The following AVIL variants were observed in gnomAD, a reference collection of about 807,000 sequenced individuals.
AVIL encodes advillin.
In AVIL, 78 loss-of-function variants were observed where a neutral mutation model predicts 109.9. The observed-to-expected ratio is 0.71, with a 90% confidence interval of 0.59 to 0.86. The LOEUF (loss-of-function observed/expected upper bound fraction) is 0.86. AVIL is among the 40% of genes least tolerant of loss of function. The pLI, the probability that AVIL is intolerant of heterozygous loss-of-function variation, is 0.00. For missense variants in AVIL, 892 were observed against 1,016.5 expected (o/e 0.88, Z 1.67); for synonymous variants, 367 against 379.1 (o/e 0.97, Z 0.37).
chr12:57,812,631 A>T (rs12297639), intron 4 of AVIL, among the ~76,000 whole-genome samples: 5,271 of 152,306 alleles, frequency 0.035, 319 homozygotes, highest in African/African-American at 0.12. Context: ...AAGTGCTGGG[A>T]TTACAGGCGT....
At position 57,811,114 on chromosome 12, in the gene AVIL, C is replaced by G. The variant is rs750309496; in HGVS notation, c.352G>C (p.Gly118Arg). The G allele has an allele frequency of 1.7e-5, 28 of 1,613,966 alleles. No individual in the cohort carries two copies. Among genetic ancestry groups the G allele is most frequent in the Admixed American group, 5.0e-5 (3 of 59,996 alleles). The change falls in exon 5 of 20, where the codon GGT becomes CGT. Residue 118 changes from glycine to arginine, a missense_variant. By Grantham distance (125) the Gly-to-Arg change is moderately radical. Coordinates refer to ENST00000549994, the MANE Select transcript of AVIL (RefSeq NM_006576.4). The part of the protein sequence containing the change: ...FKQGIIYKQG[G>R]VASGMKHVET... Reference sequence around the variant, plus strand: ...ACGTGCTTCATCCCAGAGGCGACACCCCCCTGCTTGTAGCTAAGGGAACAT... The same window carrying G: ...ACGTGCTTCATCCCAGAGGCGACACGCCCCTGCTTGTAGCTAAGGGAACAT...
rs1956096723 is a variant in AVIL, at chr12:57,815,971, T to C, written c.66+4A>G. 1.2e-6 allele frequency: 2 copies of C among 1,614,032 alleles called. No homozygotes were observed. Among genetic ancestry groups the C allele is most frequent in the African/African-American group, 1.3e-5 (1 of 74,932 alleles). Reference sequence around the variant, plus strand: ...ACAAGTAAGGTGCCTCCAGCCCAGCTCACCTCTATTCTCCAGACAATGATC... The same window carrying C: ...ACAAGTAAGGTGCCTCCAGCCCAGCCCACCTCTATTCTCCAGACAATGATC... On this transcript the variant is annotated splice_donor_region_variant and intron_variant, in intron 2 of 19. Coordinates refer to ENST00000549994, the MANE Select transcript of AVIL (RefSeq NM_006576.4).
At chr12:57,817,307 C>CT (rs1956111243) in intron 1 of AVIL, among the ~76,000 whole-genome samples, 1 of 150,964 alleles carries the variant, frequency 6.6e-6, no homozygotes, top group African/African-American at 2.4e-5. Flanking sequence ...AGGAACATGT[C>CT]TGACCATTGT....
At chr12:57,804,764 G>A (rs1180307429) in intron 14 of AVIL, among the ~76,000 whole-genome samples, 5 of 151,302 alleles carry the variant, frequency 3.3e-5, no homozygotes, top group Non-Finnish European at 7.4e-5. Context: ...AGCCAAGATC[G>A]CGCCACTGCA....
intron 9 of AVIL, chr12:57,808,854 AT>A (rs1470688410): frequency 1.4e-5 from 5 of 353,228 alleles, no homozygotes; most frequent in Admixed American, 4.5e-5. Flanking sequence ...TTGTTTGCTC[AT>A]TTATTGCTTC....
At chr12:57,806,225 T>C in intron 14 of AVIL, 135 bp downstream of exon 14, 1 of 862,908 alleles carries the variant, frequency 1.2e-6, no homozygotes, top group Non-Finnish European at 1.9e-6. Flanking sequence ...CTCTGTATCA[T>C]TCCAGTTTTA....
Position 57,810,367 on chromosome 12 carries a change from G to A in AVIL, c.743C>T (p.Ser248Leu), listed in dbSNP as rs760178754. ...TACTCACTGATACAACATGATAGTT[G>A]ATTTCTGCTTCTGATCTATGATCTC... ...PDEIIDQKQK[S>L]TIMLYHISDS... Residue 248 changes from serine (S) to leucine (L), a missense_variant, in exon 7 of 20, where the codon TCA (serine) becomes TTA (leucine). Coordinates refer to ENST00000549994, the MANE Select transcript of AVIL (RefSeq NM_006576.4). 2.5e-6 allele frequency: 4 copies of A among 1,614,072 alleles called. No individual in the cohort carries two copies. Among genetic ancestry groups the A allele is most frequent in the Non-Finnish European group, 3.4e-6 (4 of 1,180,054 alleles).
rs1231700758 is a variant in AVIL at position 57,803,613 on chromosome 12, A to G, written c.1728T>C (p.Asp576=). The G allele has an allele frequency of 5.0e-6, 8 of 1,614,060 alleles. No individual in the cohort carries two copies. The highest frequency in any genetic ancestry group is 2.2e-5 in the East Asian group (1 of 44,886). ...CCTCGGCCACAGTGTTCTCGCTGCC[A>G]TCACAGAGAAGGCTGGCCAGCTCCT... ...MAKELASLLC[D]GSENTVAEGQ... Residue 576 remains aspartate (D), a synonymous_variant, in exon 15 of 20, where the codon GAT becomes GAC. Coordinates refer to ENST00000549994, the MANE Select transcript of AVIL (RefSeq NM_006576.4).
At position 57,809,873 on chromosome 12, in the gene AVIL, C is replaced by G; in HGVS notation, c.779G>C (p.Gly260Ala). 6.2e-7 allele frequency: 1 copy of G among 1,614,138 alleles called. No individual in the cohort carries two copies. Among genetic ancestry groups the G allele is most frequent in the Non-Finnish European group, 8.5e-7 (1 of 1,180,016 alleles). The change falls in exon 8 of 20, where the codon GGG (glycine) becomes GCG (alanine). Residue 260 changes from glycine to alanine, a missense_variant. Gly to Ala is a moderately conservative substitution (Grantham distance 60, BLOSUM62 0). Transcript: ENST00000549994. ...TGCTACCTCTGTGACTGCCAGCTGC[C>G]CAGCTGAATCTGAGATACTGGAGAA... is the stretch of plus-strand genomic sequence containing the variant. ...IMLYHISDSA[G>A]QLAVTEVATR...
chr12:57,815,770 C>A, intron 2 of AVIL: 1 of 1,461,098 alleles, frequency 6.8e-7, no homozygotes, highest in Non-Finnish European at 9.0e-7. Flanking sequence ...TTCTTCGGGG[C>A]TGAACATTTC....
intron 14 of AVIL, 179 bp from the exon 15 acceptor site, chr12:57,803,848 T>G: frequency 3.6e-6 from 3 of 834,736 alleles, no homozygotes; most frequent in East Asian, 5.4e-5. Flanking sequence ...GAAAACAGTG[T>G]GGGGCAAAGA....
intron 14 of AVIL, chr12:57,803,917 T>C (rs1003151379): frequency 1.8e-5 from 7 of 398,750 alleles, no homozygotes; most frequent in Non-Finnish European, 3.1e-5. Context: ...TTGTTTCAGC[T>C]TCAGTTTGAA....
chr12:57,798,637 G>A (rs1467210341), intron 19 of AVIL, among the ~76,000 whole-genome samples: 1 of 147,772 alleles, frequency 6.8e-6, no homozygotes, highest in East Asian at 2.0e-4. Flanking sequence ...TTTTTTTTGA[G>A]ACAGATTCTT....
chr12:57,805,507 C>T (rs1248924580), intron 14 of AVIL, among the ~76,000 whole-genome samples: 1 of 151,322 alleles, frequency 6.6e-6, no homozygotes, highest in Non-Finnish European at 1.5e-5. Context: ...TATGAGATTT[C>T]TGCTAGGTGT....
rs1247322187 is a variant in AVIL at position 57,809,580 on chromosome 12, A to T, written c.939+17T>A. 6.2e-7 allele frequency: 1 copy of T among 1,613,856 alleles called. No individual in the cohort carries two copies. The highest frequency in any genetic ancestry group is 1.3e-5 in the African/African-American group (1 of 75,054). On this transcript the variant is annotated intron_variant, in intron 9 of 19. Coordinates refer to ENST00000549994, the MANE Select transcript of AVIL (RefSeq NM_006576.4). ...AGCAGAATTATTTGAACAGTATTGCACATCTGTAGCTCCTACCAGCGCTTT... is the reference window on the plus strand; with the variant it reads ...AGCAGAATTATTTGAACAGTATTGCTCATCTGTAGCTCCTACCAGCGCTTT...
At chr12:57,811,174 G>A in intron 4 of AVIL, 47 bp from the exon 5 acceptor site, 3 of 1,563,434 alleles carry the variant, frequency 1.9e-6, no homozygotes, top group Non-Finnish European at 2.6e-6. Flanking sequence ...TATGTGCTAG[G>A]TTCTGGGGAG....
chr12:57,808,641 T>C (rs753553868), intron 9 of AVIL, 93 bp from the exon 10 acceptor site: 60 of 1,416,188 alleles, frequency 4.2e-5, no homozygotes, highest in Non-Finnish European at 5.6e-5. Flanking sequence ...AGCCACATGA[T>C]ATAAGCGTCT....
chr12:57,807,331 C>T lies in AVIL; in HGVS notation c.1491G>A (p.Glu497=), dbSNP rs749989375. The T allele has an allele frequency of 1.2e-6, 2 of 1,614,188 alleles. No individual in the cohort carries two copies. Among genetic ancestry groups the T allele is most frequent in the Non-Finnish European group, 1.7e-6 (2 of 1,180,036 alleles). Residue 497 remains glutamate, a splice_region_variant and synonymous_variant, in exon 13 of 20, where the codon GAG becomes GAA. Coordinates refer to ENST00000549994, the MANE Select transcript of AVIL (RefSeq NM_006576.4). ...AIFKGKLVIF[E]GGTSRKGNAE... is the part of the protein sequence containing the mutation. Reference sequence around the variant, plus strand: ...TGTAATTTTATCAGAGCATCCTCACCTCAAAGATAACTAGCTTCCCTTTGA... The same window carrying T: ...TGTAATTTTATCAGAGCATCCTCACTTCAAAGATAACTAGCTTCCCTTTGA...
intron 19 of AVIL, among the ~76,000 whole-genome samples, chr12:57,799,216 G>A (rs1290661530): frequency 6.6e-6 from 1 of 152,168 alleles, no homozygotes; most frequent in Non-Finnish European, 1.5e-5. Context: ...TGATGATTTG[G>A]GAGAAGGATG....
Sources: gnomAD v4.1 joint callset for allele counts (sites outside exome capture counted in the v4.1 genomes callset) on GRCh38, gnomAD v4.1.1 for gene constraint, MANE v1.5 for transcripts, NCBI Gene and HGNC (gene_info 2026-07-23, HGNC 2026-07-21) for gene names.